Variants in CHD2 observed in about 807,000 individuals in gnomAD.
CHD2 encodes chromodomain helicase DNA binding protein 2.
In CHD2, 28 loss-of-function variants were observed where a neutral mutation model predicts 243.9. The ratio of observed to expected loss-of-function variants is 0.11; its 90% CI spans 0.09 to 0.16. The LOEUF is 0.16. Among genes scored for constraint, CHD2 ranks in the 10% least tolerant of loss-of-function variants. CHD2 has a pLI of 1.00. For missense variants in CHD2, 1,386 were observed against 2,209.8 expected, an observed-to-expected ratio of 0.63 and a Z score of 7.47; for synonymous variants, 775 against 779.0, an observed-to-expected ratio of 0.99 and a Z score of 0.09.
chr15:93,016,868 CTGTG>C (rs1170535513), intron 37 of CHD2, among the ~76,000 whole-genome samples: 5 of 151,310 alleles, frequency 3.3e-5, no homozygotes, highest in African/African-American at 4.9e-5. Context: ...GAAAAAAACT[CTGTG>C]GAGCTTATCC....
intron 2 of CHD2, among the ~76,000 whole-genome samples, chr15:92,912,406 G>GA (rs572610720): frequency 6.6e-6 from 1 of 152,220 alleles, no homozygotes; most frequent in Non-Finnish European, 1.5e-5. Flanking sequence ...GCCTGGGCTG[G>GA]AGTGCAGTGG....
At chr15:92,942,203 C>T (rs939046202) in intron 8 of CHD2, among the ~76,000 whole-genome samples, 1 of 152,116 alleles carries the variant, frequency 6.6e-6, no homozygotes, top group African/African-American at 2.4e-5. Context: ...GCAGAGATAC[C>T]TGCTAATTAA....
At chr15:92,930,884 G>A (rs1379166348) in intron 5 of CHD2, among the ~76,000 whole-genome samples, 2 of 152,140 alleles carry the variant, frequency 1.3e-5, no homozygotes, top group African/African-American at 4.8e-5. Context: ...ACTGCCTTGG[G>A]CTGAGATAGT....
intron 2 of CHD2, among the ~76,000 whole-genome samples, chr15:92,904,149 G>A (rs1275725939): frequency 6.6e-6 from 1 of 152,230 alleles, no homozygotes; most frequent in Admixed American, 6.5e-5. Flanking sequence ...GCACGCAGCA[G>A]CTCTTTGAGC....
chr15:92,989,879 GAAGGAC>G (rs2054094201), intron 26 of CHD2, among the ~76,000 whole-genome samples: 1 of 152,234 alleles, frequency 6.6e-6, no homozygotes, highest in South Asian at 2.1e-4. Flanking sequence ...GGAGCGTGCG[GAAGGAC>G]CCTTTGAGAT....
rs1317272347 is a variant in CHD2 at position 93,006,173 on chromosome 15, C to T, written c.4413+1422C>T. 1.1e-4 allele frequency among the ~76,000 whole-genome samples: 16 copies of T among 141,010 alleles called. No individual in the cohort carries two copies. In the Admixed American group the frequency reaches 1.3e-3, roughly 11 times the overall value. 92.5% of individuals were successfully genotyped at this position (141,010 alleles called of 152,430 possible). ...GCAGAGTCTTGCTCTGTTGCCCAGG[C>T]TGGATTGCAGTGGCTCAATCTCGGC... On this transcript the variant is annotated intron_variant, in intron 34 of 38. Transcript: ENST00000394196.
chr15:92,915,451 T>C (rs563805522), intron 2 of CHD2, among the ~76,000 whole-genome samples: 51 of 152,226 alleles, frequency 3.4e-4, no homozygotes, highest in Middle Eastern at 3.4e-3. Flanking sequence ...ACTTTTTGTA[T>C]TTTTAGTAGA....
At chr15:92,953,753 T>TA in intron 14 of CHD2, 180 bp downstream of exon 14, 1 of 606,174 alleles carries the variant, frequency 1.6e-6, no homozygotes, top group South Asian at 2.1e-5. Flanking sequence ...CTTTAACAAA[T>TA]ATGCTTACTA....
At position 92,979,249 on chromosome 15, in the gene CHD2, C is replaced by T. The variant is rs543203414; in HGVS notation, c.2842C>T (p.Arg948Trp). 1.9e-6 allele frequency: 3 copies of T among 1,613,930 alleles called. No homozygotes were observed. The highest frequency in any genetic ancestry group is 2.5e-6 in the Non-Finnish European group (3 of 1,179,970). Residue 948 changes from arginine to tryptophan, a missense_variant, in exon 22 of 39, where the codon CGG becomes TGG. Arg to Trp is a moderately radical substitution (Grantham distance 101). This residue lies in a region of CHD2 where 99 missense variants were observed against 206.4 expected (regional missense o/e 0.48). Transcript: ENST00000394196. ...GATTCAGCGCATGGACACCACTGGC[C>T]GGACGATCCTGGAAAACAACTCAGG... ...LVIQRMDTTG[R>W]TILENNSGRS...
At chr15:92,904,677 G>C (rs1022412288) in intron 2 of CHD2, 2 of 1,333,510 alleles carry the variant, frequency 1.5e-6, no homozygotes, top group African/African-American at 1.5e-5. Flanking sequence ...AAAAGTGCAG[G>C]CACTATTTAT....
chr15:93,017,549 G>A (rs1442586607), intron 37 of CHD2, among the ~76,000 whole-genome samples: 2 of 117,066 alleles, frequency 1.7e-5, no homozygotes, highest in Non-Finnish European at 3.3e-5. Context: ...GTCTCACCAT[G>A]TTGGCCAAGG....
chr15:92,977,442 C>A (rs1231169737), intron 20 of CHD2, among the ~76,000 whole-genome samples: 2 of 152,196 alleles, frequency 1.3e-5, no homozygotes, highest in African/African-American at 4.8e-5. Flanking sequence ...CTTCTCTCTG[C>A]TACAAAGGCA....
chr15:92,999,945 G>A (rs1259099763), intron 31 of CHD2, among the ~76,000 whole-genome samples: 1 of 152,080 alleles, frequency 6.6e-6, no homozygotes, highest in Non-Finnish European at 1.5e-5. Context: ...CCAAAGATGT[G>A]GAATCAGTAG....
intron 2 of CHD2, among the ~76,000 whole-genome samples, chr15:92,916,903 T>A (rs1172209870): frequency 2.0e-5 from 3 of 152,240 alleles, no homozygotes; most frequent in Non-Finnish European, 4.4e-5. Flanking sequence ...TATTTAATAC[T>A]AAGAGACTTT....
Position 92,998,668 on chromosome 15 carries a change from A to C in CHD2, c.4008+47A>C. Reference sequence around the variant, plus strand: ...TGTTTTTCAGGGGCCTGAGGCTCCTACCCTGCAGAATTAGGTAGGAAGAGA... The same window carrying C: ...TGTTTTTCAGGGGCCTGAGGCTCCTCCCCTGCAGAATTAGGTAGGAAGAGA... On this transcript the variant is annotated intron_variant, in intron 31 of 38. Transcript: ENST00000394196. The surrounding 1 kb of genome is among the most constrained non-coding windows in gnomAD (Gnocchi z 5.1). 1 of 1,597,424 alleles carries C rather than the reference A, an allele frequency of 6.3e-7. No homozygotes were observed. The highest frequency in any genetic ancestry group is 2.3e-4 in the Middle Eastern group (1 of 4,366).
intron 17 of CHD2, 65 bp downstream of exon 17, chr15:92,967,578 A>T: frequency 8.8e-7 from 1 of 1,130,060 alleles, no homozygotes; most frequent in Non-Finnish European, 1.3e-6. Flanking sequence ...ATTAGATAGG[A>T]GATATATATA....
chr15:92,927,832 A>C (rs940651374), intron 4 of CHD2, among the ~76,000 whole-genome samples: 1 of 152,218 alleles, frequency 6.6e-6, no homozygotes, highest in African/African-American at 2.4e-5. Flanking sequence ...GATATAATAA[A>C]ATGAGTTTCA....
chr15:92,982,247 A>G (rs1348322751), intron 24 of CHD2, among the ~76,000 whole-genome samples: 1 of 152,200 alleles, frequency 6.6e-6, no homozygotes, highest in African/African-American at 2.4e-5. Context: ...ACTTTAGGGA[A>G]GAGGAGGAAA....
rs563654459 is a variant in CHD2, at chr15:92,974,783, T to C, written c.2506-96T>C. On this transcript the variant is annotated intron_variant, in intron 19 of 38. Coordinates refer to ENST00000394196, the MANE Select transcript of CHD2 (RefSeq NM_001271.4). ...GTGCTTTGCAGTTATTTTTACTCAG[T>C]GGGTGTTCAGGTGATAAAGGTTCCA... 2.8e-6 allele frequency: 3 copies of C among 1,073,472 alleles called. No homozygotes were observed. The East Asian group carries it at 7.4e-5, about 26-fold the overall frequency. The allele number at this position is 1,073,472 out of a possible 1,614,324, so 66.5% of individuals were successfully genotyped here.
Sources: gnomAD v4.1 joint callset for allele counts (sites outside exome capture counted in the v4.1 genomes callset) on GRCh38, gnomAD v4.1.1 for gene constraint, gnomAD v4.1.1 regional missense constraint, Gnocchi (gnomAD v3.1) non-coding constraint, MANE v1.5 for transcripts, NCBI Gene and HGNC (gene_info 2026-07-23, HGNC 2026-07-21) for gene names.